AURKB: variants seen among roughly 807,000 people sequenced by gnomAD.
AURKB encodes the protein aurora kinase B-Sv1.
A neutral mutation model predicts 36.5 loss-of-function variants in AURKB; 28 were observed. That is an observed-to-expected ratio of 0.77 (90% CI 0.57 to 1.05). The LOEUF is 1.05. Among genes scored for constraint, AURKB ranks in the 50% least tolerant of loss-of-function variants. The pLI, the probability that AURKB is intolerant of heterozygous loss-of-function variation, is 0.00. For missense variants in AURKB, 383 were observed against 447.4 expected (o/e 0.86, Z 1.30); for synonymous variants, 175 against 172.9 (o/e 1.01, Z -0.09).
rs1016005962 is a variant in AURKB, at chr17:8,207,332, C to T, written c.242G>A (p.Arg81His). 1.2e-5 allele frequency: 19 copies of T among 1,614,008 alleles called. No homozygotes were observed. The highest frequency in any genetic ancestry group is 3.3e-5 in the Admixed American group (2 of 59,988). ...TCCAAACTTGCCTTTGCCCAGAGGA[C>T]GCCCAATCTCAAAGTCATCAATTGT... ...HFTIDDFEIG[R>H]PLGKGKFGNV... Residue 81 changes from arginine (R) to histidine (H), a missense_variant, in exon 5 of 9, where the codon CGT becomes CAT. Transcript: ENST00000585124.
intron 2 of AURKB, 59 bp from the exon 3 acceptor site, chr17:8,207,899 G>T: frequency 7.2e-7 from 1 of 1,398,414 alleles, no homozygotes; most frequent in Non-Finnish European, 9.8e-7. Context: ...GGGGTGGAAT[G>T]TGCTGCAAGC....
At chr17:8,209,232 C>T (rs1483568996) in intron 2 of AURKB, among the ~76,000 whole-genome samples, 1 of 152,180 alleles carries the variant, frequency 6.6e-6, no homozygotes, top group East Asian at 1.9e-4. Context: ...AGGCTGGTCT[C>T]GAACTCCTGA....
At chr17:8,207,449 T>C in intron 4 of AURKB, 82 bp from the exon 5 acceptor site, 1 of 1,555,450 alleles carries the variant, frequency 6.4e-7, no homozygotes, top group South Asian at 1.2e-5. Flanking sequence ...CCTCATCCCA[T>C]CCTGTCCTCC....
chr17:8,209,866 G>T, intron 2 of AURKB: 2 of 453,490 alleles, frequency 4.4e-6, no homozygotes, highest in Non-Finnish European at 3.9e-6. Context: ...TTCAGGATAT[G>T]GATTGGGAAT....
rs1984976914 is a variant in AURKB, at chr17:8,204,766, A to G, written c.*105T>C. ...AAAAAGCTTCAGCCTTTATTAAACA[A>G]AGGAGGAGGTAGAAAACAGATAAGG... On this transcript the variant is annotated 3_prime_UTR_variant, in exon 9 of 9. Transcript: ENST00000585124. 6.8e-7 allele frequency: 1 copy of G among 1,463,558 alleles called. No homozygotes were observed. Among genetic ancestry groups the G allele is most frequent in the South Asian group, 1.2e-5 (1 of 81,938 alleles). 90.7% of individuals were successfully genotyped at this position (1,463,558 alleles called of 1,614,324 possible).
At chr17:8,210,475 T>C in intron 1 of AURKB, 55 bp downstream of exon 1, 3 of 529,200 alleles carry the variant, frequency 5.7e-6, no homozygotes, top group South Asian at 2.4e-5. Flanking sequence ...CCCTCTGATC[T>C]ACCTGATCAT....
At chr17:8,209,257 C>T (rs1985804187) in intron 2 of AURKB, among the ~76,000 whole-genome samples, 1 of 152,242 alleles carries the variant, frequency 6.6e-6, no homozygotes, top group Non-Finnish European at 1.5e-5. Flanking sequence ...AGGTGATCCA[C>T]CTGCCTCAGC....
intron 2 of AURKB, chr17:8,209,925 T>C (rs1985878376): frequency 1.7e-6 from 1 of 577,808 alleles, no homozygotes; most frequent in Non-Finnish European, 3.1e-6. Flanking sequence ...ATATCATTTG[T>C]ATGTGACGAG....
chr17:8,207,409 G>A lies in AURKB; in HGVS notation c.207-42C>T, dbSNP rs374129445. On this transcript the variant is annotated intron_variant, in intron 4 of 8. Coordinates refer to ENST00000585124, the MANE Select transcript of AURKB (RefSeq NM_004217.4). The stretch of plus-strand genomic sequence containing the variant: ...GGAAGGCAACTCAGAACCGGTTTTG[G>A]TTATTAAGAGGTTTGCTTTCTCTCT... 1.1e-5 allele frequency: 17 copies of A among 1,598,954 alleles called. No individual in the cohort carries two copies. In the African/African-American group the frequency reaches 1.9e-4, roughly 18 times the overall value.
chr17:8,207,168 A>G lies in AURKB; in HGVS notation c.398+8T>C, dbSNP rs2151472798. On this transcript the variant is annotated splice_region_variant and intron_variant, in intron 5 of 8. Coordinates refer to ENST00000585124, the MANE Select transcript of AURKB (RefSeq NM_004217.4). Reference sequence around the variant, plus strand: ...AGGGGCTTCGGCTCAGGGGGCATCAACCCATACTGCAGGTGGGCCTGGATT... The same window carrying G: ...AGGGGCTTCGGCTCAGGGGGCATCAGCCCATACTGCAGGTGGGCCTGGATT... The G allele has an allele frequency of 6.2e-7, 1 of 1,609,660 alleles. No individual in the cohort carries two copies. The highest frequency in any genetic ancestry group is 1.3e-5 in the African/African-American group (1 of 74,920).
rs3027255 is a variant in AURKB at position 8,207,699 on chromosome 17, A to G, written c.151+39T>C. 7.5e-4 allele frequency: 1,211 copies of G among 1,613,748 alleles called. 10 individuals carry two copies. The African/African-American group carries it at 0.014, about 19-fold the overall frequency. ...TCCCTAAACCCTCCCACAGACGGTC[A>G]TCTCCCCAGCTCAGTCCTCTCCCCC... On this transcript the variant is annotated intron_variant, in intron 3 of 8. Transcript: ENST00000585124.
Position 8,207,854 on chromosome 17 carries a change from G to A in AURKB, c.49-14C>T, listed in dbSNP as rs1985565290. The A allele has an allele frequency of 6.2e-7, 1 of 1,604,540 alleles. No homozygotes were observed. The highest frequency in any genetic ancestry group is 1.3e-5 in the African/African-American group (1 of 74,734). ...GCCAGATGGAGCCTGAGAAGGAGCA[G>A]GGGGTAGCTCTGAGGGTGCCTTTGT... On this transcript the variant is annotated splice_polypyrimidine_tract_variant and intron_variant, in intron 2 of 8. Transcript: ENST00000585124.
At position 8,209,973 on chromosome 17, in the gene AURKB, G is replaced by C. The variant is rs912576533; in HGVS notation, c.48+204C>G. Reference sequence around the variant, plus strand: ...CCTCACCAGCTGGGAGTCACTGGCTGGTCAGATTCACGTTGGCAGCACCTG... The same window carrying C: ...CCTCACCAGCTGGGAGTCACTGGCTCGTCAGATTCACGTTGGCAGCACCTG... On this transcript the variant is annotated intron_variant, in intron 2 of 8. Coordinates refer to ENST00000585124, the MANE Select transcript of AURKB (RefSeq NM_004217.4). 6.3e-5 allele frequency: 41 copies of C among 649,852 alleles called. No individual in the cohort carries two copies. The African/African-American group carries it at 7.5e-4, about 12-fold the overall frequency. 40.3% of individuals were successfully genotyped at this position (649,852 alleles called of 1,614,324 possible).
intron 2 of AURKB, 83 bp downstream of exon 2, chr17:8,210,094 G>T (rs551128011): frequency 6.6e-7 from 1 of 1,525,798 alleles, no homozygotes; most frequent in Non-Finnish European, 9.1e-7. Context: ...TTAAAGGATT[G>T]CTCATTGCAG....
In AURKB at chr17:8,207,982, G is replaced by A. The variant is rs994031292; in HGVS notation, c.49-142C>T. ...TTCAAAGAGAAACACTGATGTGACA[G>A]TTTTGCTTCCCAGCCTCTGCTCATA... is the stretch of plus-strand genomic sequence containing the variant. On this transcript the variant is annotated intron_variant, in intron 2 of 8. Coordinates refer to ENST00000585124, the MANE Select transcript of AURKB (RefSeq NM_004217.4). 25 of 664,052 alleles carry A rather than the reference G, an allele frequency of 3.8e-5. 1 individual carries two copies. The African/African-American group carries it at 4.6e-4, about 12-fold the overall frequency. 41.1% of individuals were successfully genotyped at this position (664,052 alleles called of 1,614,324 possible).
intron 5 of AURKB, 128 bp from the exon 6 acceptor site, chr17:8,207,016 T>C: frequency 6.7e-7 from 1 of 1,488,330 alleles, no homozygotes; most frequent in Non-Finnish European, 9.0e-7. Flanking sequence ...AAGGGGAAAC[T>C]GGAGGCAGAT....
At position 8,207,826 on chromosome 17, in the gene AURKB, C is replaced by T. The variant is rs759299856; in HGVS notation, c.63G>A (p.Leu21=). ...PYGRQTAPSG[L]STLPQRVLRK... is the part of the protein sequence containing the mutation. ...GGAGGACTCGCTGGGGCAGGGTGCT[C>T]AGGCCAGATGGAGCCTGAGAAGGAG... The change falls in exon 3 of 9, where the codon CTG becomes CTA. Residue 21 remains leucine, a synonymous_variant. Transcript: ENST00000585124. 2 of 1,613,390 alleles carry T rather than the reference C, an allele frequency of 1.2e-6. No individual in the cohort carries two copies. The highest frequency in any genetic ancestry group is 1.7e-6 in the Non-Finnish European group (2 of 1,179,718).
chr17:8,210,070 G>A (rs1018010603), intron 2 of AURKB, 107 bp downstream of exon 2: 6 of 1,429,084 alleles, frequency 4.2e-6, no homozygotes, highest in Admixed American at 1.8e-5. Context: ...GGAGCATAAC[G>A]GGGAAGAAAG....
In AURKB at chr17:8,205,257, C is replaced by T. The variant is rs774578753; in HGVS notation, c.820G>A (p.Glu274Lys). 6.2e-7 allele frequency: 1 copy of T among 1,614,174 alleles called. No homozygotes were observed. Among genetic ancestry groups the T allele is most frequent in the Non-Finnish European group, 8.5e-7 (1 of 1,180,016 alleles). Reference protein sequence around the residue: ...YELLVGNPPFESASHNETYRR... With the variant: ...YELLVGNPPFKSASHNETYRR... Reference sequence around the variant, plus strand: ...TAGGTCTCGTTGTGTGATGCACTCTCAAAGGGTGGGTTCCCCACCAGCAGC... The same window carrying T: ...TAGGTCTCGTTGTGTGATGCACTCTTAAAGGGTGGGTTCCCCACCAGCAGC... The change falls in exon 8 of 9, where the codon GAG becomes AAG. Residue 274 changes from glutamate to lysine, a missense_variant. Glu to Lys is a moderately conservative substitution (Grantham distance 56). Transcript: ENST00000585124.
Sources: allele counts gnomAD v4.1 joint callset (sites outside exome capture counted in the v4.1 genomes callset), GRCh38; gene constraint gnomAD v4.1.1; transcripts MANE v1.5; gene names NCBI Gene and HGNC (gene_info 2026-07-23, HGNC 2026-07-21).